SHC2: variants seen among roughly 807,000 people sequenced by gnomAD.
The protein encoded by SHC2 is SHC adaptor protein 2.
SHC2 carries 62 observed loss-of-function variants against 60.6 expected under a neutral mutation model. That is an observed-to-expected ratio of 1.02 (90% confidence interval 0.83 to 1.26). The LOEUF (loss-of-function observed/expected upper bound fraction) is 1.26, where lower values mean the gene tolerates loss of function less well. SHC2 is among the 50% of genes most tolerant of loss of function. SHC2 has a pLI of 0.00. For synonymous variants in SHC2, 375 were observed against 372.4 expected, an observed-to-expected ratio of 1.01 and a Z score of -0.08; for missense variants, 873 against 822.2, an observed-to-expected ratio of 1.06 and a Z score of -0.76.
chr19:456,680 G>T (rs967722425), intron 1 of SHC2, among the ~76,000 whole-genome samples: 1 of 152,138 alleles, frequency 6.6e-6, no homozygotes, highest in African/African-American at 2.4e-5. Context: ...TCCGCTCCCT[G>T]CGTGGGGCCT....
Position 460,524 on chromosome 19 carries a change from C to A in SHC2, c.468+5G>T. 1 of 1,332,870 alleles carries A rather than the reference C, an allele frequency of 7.5e-7. No individual in the cohort carries two copies. Among genetic ancestry groups the A allele is most frequent in the Non-Finnish European group, 9.7e-7 (1 of 1,036,248 alleles). 82.6% of individuals were successfully genotyped at this position (1,332,870 alleles called of 1,614,324 possible). ...GGGCTCCCGGGGGGGGTGGGGGGGA[C>A]TCACCCGCACGACGTAGGAGACCCC... On this transcript the variant is annotated splice_donor_5th_base_variant and intron_variant, in intron 1 of 12. Transcript: ENST00000264554.
At chr19:435,422 G>A (rs143717471) in intron 7 of SHC2, among the ~76,000 whole-genome samples, 9 of 152,252 alleles carry the variant, frequency 5.9e-5, no homozygotes, top group Non-Finnish European at 1.3e-4. Context: ...GCTTCGGAGC[G>A]TGCTGAGCAA....
intron 11 of SHC2, among the ~76,000 whole-genome samples, chr19:421,314 C>A (rs1262335322): frequency 6.7e-6 from 1 of 149,872 alleles, no homozygotes; most frequent in East Asian, 2.0e-4. Context: ...GCGGGAGAAT[C>A]GCTTGAACGC....
chr19:458,496 C>CGGGTTCCGGGGG, intron 1 of SHC2, among the ~76,000 whole-genome samples: 1 of 93,160 alleles, frequency 1.1e-5, no homozygotes, highest in African/African-American at 4.1e-5. Flanking sequence ...GACGGGGAAG[C>CGGGTTCCGGGGG]AGGTTCCGGG....
At chr19:428,899 C>G (rs1974489089) in intron 9 of SHC2, among the ~76,000 whole-genome samples, 1 of 150,806 alleles carries the variant, frequency 6.6e-6, no homozygotes, top group African/African-American at 2.4e-5. Context: ...TGACGCAGTA[C>G]CTATATCCCA....
At chr19:420,975 G>A (rs144494836) in intron 11 of SHC2, among the ~76,000 whole-genome samples, 4,206 of 152,130 alleles carry the variant, frequency 0.028, 124 homozygotes, top group East Asian at 0.091. Flanking sequence ...GCTTGAACCC[G>A]GGAAGTGGAG....
At chr19:459,863 C>A (rs1975496307) in intron 1 of SHC2, among the ~76,000 whole-genome samples, 1 of 152,162 alleles carries the variant, frequency 6.6e-6, no homozygotes, top group African/African-American at 2.4e-5. Flanking sequence ...CTATGCACGG[C>A]GCTGTCACCC....
In SHC2 at chr19:460,804, C is replaced by G; in HGVS notation, c.193G>C (p.Glu65Gln). The change falls in exon 1 of 13, where the codon GAG becomes CAG. Residue 65 changes from glutamate to glutamine, a missense_variant. Physicochemically the swap from Glu to Gln is conservative, Grantham distance 29 (BLOSUM62 2). Transcript: ENST00000264554. Reference protein sequence around the residue: ...GASGGADPQPEPAGPGGVPAL... With the variant: ...GASGGADPQPQPAGPGGVPAL... ...GGGACGCCCCCCGGGCCCGCCGGCT[C>G]GGGTTGGGGGTCCGCGCCCCCCGAG... is the stretch of plus-strand genomic sequence containing the variant. The G allele has an allele frequency of 6.1e-6, 6 of 979,542 alleles. No homozygotes were observed. The highest frequency in any genetic ancestry group is 6.0e-6 in the Non-Finnish European group (5 of 827,730). 60.7% of individuals were successfully genotyped at this position (979,542 alleles called of 1,614,324 possible). A position where few individuals can be genotyped will look rare whatever the true frequency, so the allele number is the denominator to read the frequency against.
rs370696210 is a variant in SHC2, at chr19:425,195, C to G, written c.1211G>C (p.Arg404Pro). ...GTGCTCCTCGTGGTCCGGGGGGCCC[C>G]GGGCGTCCGCCTGCACGTAGCCGTC... ...PGDGYVQADARGPPDHEEHLY... is the reference protein window; with the variant it reads ...PGDGYVQADAPGPPDHEEHLY... Residue 404 changes from arginine (R) to proline (P), a missense_variant, in exon 10 of 13, where the codon CGG becomes CCG. Arg to Pro is a moderately radical substitution (Grantham distance 103). Coordinates refer to ENST00000264554, the MANE Select transcript of SHC2 (RefSeq NM_012435.3). This position sits in a 1 kb window ranked among gnomAD's most constrained non-coding sequence, Gnocchi z 4.1. 14 of 1,342,828 alleles carry G rather than the reference C, an allele frequency of 1.0e-5. No individual in the cohort carries two copies. The highest frequency in any genetic ancestry group is 1.3e-5 in the Non-Finnish European group (13 of 1,037,390). The allele number at this position is 1,342,828 out of a possible 1,614,324, so 83.2% of individuals were successfully genotyped here. A position where few individuals can be genotyped will look rare whatever the true frequency, so the allele number is the denominator to read the frequency against.
At chr19:457,861 G>C (rs575617031) in intron 1 of SHC2, among the ~76,000 whole-genome samples, 1 of 152,364 alleles carries the variant, frequency 6.6e-6, no homozygotes, top group South Asian at 2.1e-4. Context: ...ACAAACCGCC[G>C]GGAGACGGCG....
chr19:460,964 C>CG lies in SHC2; in HGVS notation c.32dup (p.Ala12GlyfsTer162). The CG allele has an allele frequency of 1.0e-6, 1 of 981,194 alleles. No homozygotes were observed. Among genetic ancestry groups the CG allele is most frequent in the Non-Finnish European group, 1.2e-6 (1 of 826,892 alleles). 60.8% of individuals were successfully genotyped at this position (981,194 alleles called of 1,614,324 possible). On this transcript the variant is annotated frameshift_variant, in exon 1 of 13. Transcript: ENST00000264554. LOFTEE classifies it high-confidence loss of function. ...CGGGCTCGGGGGGCGCGGGGGGCGC[C>CG]GGGGGCGCGCGCCCGCCCGGACCCT...
At position 434,795 on chromosome 19, in the gene SHC2, T is replaced by C; in HGVS notation, c.1024A>G (p.Ile342Val). Residue 342 changes from isoleucine to valine, a missense_variant, in exon 8 of 13, where the codon ATC (isoleucine) becomes GTC (valine). Ile to Val is a conservative substitution (Grantham distance 29). Coordinates refer to ENST00000264554, the MANE Select transcript of SHC2 (RefSeq NM_012435.3). The part of the protein sequence containing the change: ...DSLEHNYYNS[I>V]PGKEPPLGGL... ...CCCAGCGGCGGCTCCTTCCCCGGGA[T>C]GCTGTTGTAGTAATTGTGCTCCAAA... is the stretch of plus-strand genomic sequence containing the variant. 1 of 1,612,900 alleles carries C rather than the reference T, an allele frequency of 6.2e-7. No individual in the cohort carries two copies. The highest frequency in any genetic ancestry group is 8.5e-7 in the Non-Finnish European group (1 of 1,179,816).
chr19:436,692 GC>G lies in SHC2; in HGVS notation c.721-10del. On this transcript the variant is annotated splice_polypyrimidine_tract_variant and intron_variant, in intron 4 of 12. Transcript: ENST00000264554. ...TGGTGGTTGGCGATGACCTGTGGCG[GC>G]AGGAGGCACACGCGGTCATGGGGGC... 1 of 1,602,304 alleles carries G rather than the reference GC, an allele frequency of 6.2e-7. No individual in the cohort carries two copies. Among genetic ancestry groups the G allele is most frequent in the Non-Finnish European group, 8.5e-7 (1 of 1,178,790 alleles).
In SHC2 at chr19:445,482, G is replaced by A. The variant is rs533347246; in HGVS notation, c.469-4550C>T. On this transcript the variant is annotated intron_variant, in intron 1 of 12. Coordinates refer to ENST00000264554, the MANE Select transcript of SHC2 (RefSeq NM_012435.3). The surrounding 1 kb of genome is among the most constrained non-coding windows in gnomAD (Gnocchi z 4.4). The stretch of plus-strand genomic sequence containing the variant: ...GGCACAGCAGCTCATGCCTGTAATC[G>A]CAGCACTTCAGGAGACCTAGGTGGG... Among the ~76,000 whole-genome samples the A allele has an allele frequency of 5.9e-5, 9 of 152,254 alleles. No homozygotes were observed. The highest frequency in any genetic ancestry group is 4.2e-4 in the South Asian group (2 of 4,816).
intron 1 of SHC2, among the ~76,000 whole-genome samples, chr19:460,012 A>G (rs1369089269): frequency 6.6e-6 from 1 of 152,170 alleles, no homozygotes; most frequent in Non-Finnish European, 1.5e-5. Context: ...AGGTTCATTT[A>G]TCATAAGACC....
At position 444,797 on chromosome 19, in the gene SHC2, G is replaced by A. The variant is rs149795482; in HGVS notation, c.469-3865C>T. Among the ~76,000 whole-genome samples the A allele has an allele frequency of 3.6e-3, 550 of 152,296 alleles. 5 individuals carry two copies. The highest frequency in any genetic ancestry group is 0.012 in the African/African-American group (517 of 41,536). On this transcript the variant is annotated intron_variant, in intron 1 of 12. Coordinates refer to ENST00000264554, the MANE Select transcript of SHC2 (RefSeq NM_012435.3). Reference sequence around the variant, plus strand: ...GATCCGGTAATGATACCAACACCTCGCTAACTCAGGGCGCTTGTCACGTGT... The same window carrying A: ...GATCCGGTAATGATACCAACACCTCACTAACTCAGGGCGCTTGTCACGTGT...
Position 422,489 on chromosome 19 carries a change from A to AGGG in SHC2, c.1310-36_1310-34dup. 1 of 1,468,892 alleles carries AGGG rather than the reference A, an allele frequency of 6.8e-7. No individual in the cohort carries two copies. Among genetic ancestry groups the AGGG allele is most frequent in the Non-Finnish European group, 9.1e-7 (1 of 1,103,870 alleles). 91.0% of individuals were successfully genotyped at this position (1,468,892 alleles called of 1,614,324 possible). On this transcript the variant is annotated intron_variant, in intron 10 of 12. Coordinates refer to ENST00000264554, the MANE Select transcript of SHC2 (RefSeq NM_012435.3). This position sits in a 1 kb window ranked among gnomAD's most constrained non-coding sequence, Gnocchi z 5.0. ...CCAGGGACAGGAGTGCTGGGCAGGC[A>AGGG]GGGGGCAAGCAGCTACTCCTGCCGG...
rs764377716 is a variant in SHC2 at position 424,122 on chromosome 19, G to A, written c.1309+975C>T. On this transcript the variant is annotated intron_variant, in intron 10 of 12. Transcript: ENST00000264554. This position sits in a 1 kb window ranked among gnomAD's most constrained non-coding sequence, Gnocchi z 4.5. ...CTGAGCTCAGGCAAGGACCCTACCC[G>A]GCAGCTCAGAGCCAACACCTCTCCG... 9.9e-5 allele frequency among the ~76,000 whole-genome samples: 15 copies of A among 152,192 alleles called. No individual in the cohort carries two copies. Among genetic ancestry groups the A allele is most frequent in the East Asian group, 1.9e-4 (1 of 5,192 alleles).
rs539014418 is a variant in SHC2, at chr19:430,822, G to T, written c.1111-75C>A. ...CTGGCTCTGGACCCCCAGTCTCCCC[G>T]CCCGGCCCTCTTAGATGGCTGGAGA... is the stretch of plus-strand genomic sequence containing the variant. On this transcript the variant is annotated intron_variant, in intron 8 of 12. Transcript: ENST00000264554. 36 of 1,402,398 alleles carry T rather than the reference G, an allele frequency of 2.6e-5. 1 individual carries two copies. In the East Asian group the frequency reaches 3.3e-4, roughly 13 times the overall value. 86.9% of individuals were successfully genotyped at this position (1,402,398 alleles called of 1,614,324 possible). A position where few individuals can be genotyped will look rare whatever the true frequency, so the allele number is the denominator to read the frequency against.
Sources: gnomAD v4.1 joint callset for allele counts (sites outside exome capture counted in the v4.1 genomes callset) on GRCh38, gnomAD v4.1.1 for gene constraint, Gnocchi (gnomAD v3.1) non-coding constraint, MANE v1.5 for transcripts, NCBI Gene and HGNC (gene_info 2026-07-23, HGNC 2026-07-21) for gene names.